The following FGD6 variants were observed in gnomAD, a reference collection of about 807,000 sequenced individuals.
The protein encoded by FGD6 is FYVE, RhoGEF and PH domain-containing protein 6.
Under a neutral mutation model 149.4 loss-of-function variants are expected in FGD6, and 90 were observed. That is an observed-to-expected ratio of 0.60 (90% CI 0.51 to 0.72). The LOEUF is 0.72. Among genes scored for constraint, FGD6 ranks in the 30% least tolerant of loss-of-function variants. FGD6 has a pLI of 0.00. For missense variants in FGD6, 1,437 were observed against 1,684.8 expected, an observed-to-expected ratio of 0.85 and a Z score of 2.57; for synonymous variants, 527 against 584.0, an observed-to-expected ratio of 0.90 and a Z score of 1.41.
At chr12:95,134,628 G>A (rs1228638316) in intron 8 of FGD6, 111 bp downstream of exon 8, 4 of 876,184 alleles carry the variant, frequency 4.6e-6, no homozygotes, top group African/African-American at 1.6e-5. Context: ...ATTAGGCAAC[G>A]TGGTGACGGG....
At chr12:95,160,763 C>T (rs1880615193) in intron 3 of FGD6, among the ~76,000 whole-genome samples, 1 of 152,174 alleles carries the variant, frequency 6.6e-6, no homozygotes. Context: ...GTGTGGGAGG[C>T]TGAGGCAGGA....
At chr12:95,198,817 T>C (rs1206990828) in intron 2 of FGD6, among the ~76,000 whole-genome samples, 1 of 152,214 alleles carries the variant, frequency 6.6e-6, no homozygotes, top group Non-Finnish European at 1.5e-5. Flanking sequence ...TCATAGACTT[T>C]TGGTGAGGTG....
chr12:95,210,752 C>T lies in FGD6; in HGVS notation c.532G>A (p.Val178Ile), dbSNP rs141186779. 2.5e-4 allele frequency: 408 copies of T among 1,614,082 alleles called. 4 individuals are homozygous for T. The highest frequency in any genetic ancestry group is 8.5e-4 in the Admixed American group (51 of 59,994). The change falls in exon 2 of 21, where the codon GTT (valine) becomes ATT (isoleucine). Residue 178 changes from valine to isoleucine, a missense_variant. Physicochemically the swap from Val to Ile is conservative, Grantham distance 29 (BLOSUM62 3). Coordinates refer to ENST00000343958, the MANE Select transcript of FGD6 (RefSeq NM_018351.4). ...NQGGVVLKAS[V>I]LEEELKDALI... ...GCATCTTTGAGCTCCTCTTCTAAAA[C>T]GCTTGCCTTTAAAACAACCCCACCC...
rs1293345773 is a variant in FGD6 at position 95,083,038 on chromosome 12, CAT to C, written c.4256+1458_4256+1459del. ...ATATATATATATATATATACACACA[CAT>C]ACACACACACACACACACACACAGA... On this transcript the variant is annotated intron_variant, in intron 20 of 20. Transcript: ENST00000343958. Among the ~76,000 whole-genome samples, 52 of 62,728 alleles carry C rather than the reference CAT, an allele frequency of 8.3e-4. 3 individuals are homozygous for C. The highest frequency in any genetic ancestry group is 0.01 in the Middle Eastern group (1 of 98). 41.2% of individuals were successfully genotyped at this position (62,728 alleles called of 152,430 possible).
In FGD6 at chr12:95,181,967, G is replaced by C. The variant is rs2136288522; in HGVS notation, c.2442-9223C>G. 2.7e-5 allele frequency among the ~76,000 whole-genome samples: 4 copies of C among 150,466 alleles called. 1 individual carries two copies. In the Middle Eastern group the frequency reaches 0.014, roughly 519 times the overall value. ...AAAAAAAAAAAAAAAACAAAGGCAAGTTCCCAATCCAATTCCATCATTGCA... is the reference window on the plus strand; with the variant it reads ...AAAAAAAAAAAAAAAACAAAGGCAACTTCCCAATCCAATTCCATCATTGCA... On this transcript the variant is annotated intron_variant, in intron 2 of 20. Transcript: ENST00000343958.
chr12:95,180,839 A>C (rs1234204475), intron 2 of FGD6, among the ~76,000 whole-genome samples: 1 of 152,154 alleles, frequency 6.6e-6, no homozygotes, highest in African/African-American at 2.4e-5. Context: ...ATTTATACAT[A>C]TATACACATA....
chr12:95,119,214 A>G (rs751102638), intron 8 of FGD6, among the ~76,000 whole-genome samples: 3 of 152,226 alleles, frequency 2.0e-5, no homozygotes, highest in Non-Finnish European at 2.9e-5. Context: ...TTGTGTGTTA[A>G]TATCCTCATG....
At chr12:95,122,334 T>C (rs563823799) in intron 8 of FGD6, among the ~76,000 whole-genome samples, 63 of 152,050 alleles carry the variant, frequency 4.1e-4, no homozygotes, top group Non-Finnish European at 7.2e-4. Context: ...ATTATTGTTG[T>C]AGCCCCTGCA....
intron 14 of FGD6, among the ~76,000 whole-genome samples, chr12:95,097,407 G>A (rs1451998806): frequency 3.9e-5 from 6 of 152,008 alleles, no homozygotes; most frequent in Non-Finnish European, 8.8e-5. Context: ...AGGCCGAGGA[G>A]GGTGGATCAC....
Position 95,137,550 on chromosome 12 carries a change from C to T in FGD6, c.2966G>A (p.Gly989Asp), listed in dbSNP as rs1312065777. Residue 989 changes from glycine to aspartate, a missense_variant, in exon 7 of 21, where the codon GGT (glycine) becomes GAT (aspartate). Gly to Asp is a moderately conservative substitution (Grantham distance 94). This residue lies in a region of FGD6 where 382 missense variants were observed against 538.7 expected (regional missense o/e 0.71). Coordinates refer to ENST00000343958, the MANE Select transcript of FGD6 (RefSeq NM_018351.4). ...LLDEQCKKNP[G>D]FAAVVREFEM... ...AAATTCTCTAACAACAGCAGCAAAA[C>T]CTGGATTTTTCTTGCACTGTTCATC... 2 of 1,599,218 alleles carry T rather than the reference C, an allele frequency of 1.3e-6. No individual in the cohort carries two copies. The highest frequency in any genetic ancestry group is 1.7e-6 in the Non-Finnish European group (2 of 1,173,656).
At chr12:95,187,303 C>A (rs1349427169) in intron 2 of FGD6, among the ~76,000 whole-genome samples, 3 of 148,426 alleles carry the variant, frequency 2.0e-5, no homozygotes, top group African/African-American at 5.0e-5. Flanking sequence ...TGCACTCCAG[C>A]CTGGGAGACA....
At chr12:95,198,556 C>G (rs958560214) in intron 2 of FGD6, among the ~76,000 whole-genome samples, 1 of 152,156 alleles carries the variant, frequency 6.6e-6, no homozygotes, top group Non-Finnish European at 1.5e-5. Context: ...TCTCCTGCCT[C>G]AGCCTCCCGA....
chr12:95,158,163 CTTTT>C (rs11294901), intron 3 of FGD6, among the ~76,000 whole-genome samples: 25 of 81,446 alleles, frequency 3.1e-4, no homozygotes, highest in African/African-American at 5.2e-4. Context: ...CATTCACTCA[CTTTT>C]TTTTTTTTTT....
intron 5 of FGD6, among the ~76,000 whole-genome samples, chr12:95,144,289 A>G (rs12307286): frequency 0.018 from 2,785 of 152,342 alleles, 83 homozygotes; most frequent in African/African-American, 0.062. Flanking sequence ...TTAAATTAAA[A>G]GCAGTATGTC....
Position 95,215,765 on chromosome 12 carries a change from TGAAATTAC to T in FGD6, c.16+1452_16+1459del, listed in dbSNP as rs1411621313. ...CCTAGAAATTGGGTTTACATAAATG[TGAAATTAC>T]ATGCTTCTGTGCCTGTTCCTTATAA... On this transcript the variant is annotated intron_variant, in intron 1 of 20. Coordinates refer to ENST00000343958, the MANE Select transcript of FGD6 (RefSeq NM_018351.4). Among the ~76,000 whole-genome samples, 4 of 152,358 alleles carry T rather than the reference TGAAATTAC, an allele frequency of 2.6e-5. No homozygotes were observed. In the East Asian group the frequency reaches 7.7e-4, roughly 29 times the overall value.
At chr12:95,101,583 T>C (rs1878433521) in intron 14 of FGD6, among the ~76,000 whole-genome samples, 1 of 152,162 alleles carries the variant, frequency 6.6e-6, no homozygotes, top group Non-Finnish European at 1.5e-5. Flanking sequence ...TAGGCATTTC[T>C]GCCTTGGAAT....
At chr12:95,113,799 T>C in intron 8 of FGD6, 98 bp from the exon 9 acceptor site, 3 of 704,066 alleles carry the variant, frequency 4.3e-6, no homozygotes, top group Non-Finnish European at 7.0e-6. Context: ...TGCTGGTTAA[T>C]ATACATGCTA....
At chr12:95,206,817 T>C (rs943452304) in intron 2 of FGD6, among the ~76,000 whole-genome samples, 1 of 151,922 alleles carries the variant, frequency 6.6e-6, no homozygotes, top group Non-Finnish European at 1.5e-5. Flanking sequence ...TGAGAAAAAT[T>C]AGACAAGGGA....
chr12:95,156,843 A>T (rs1880487524), intron 3 of FGD6, among the ~76,000 whole-genome samples: 1 of 152,164 alleles, frequency 6.6e-6, no homozygotes, highest in African/African-American at 2.4e-5. Context: ...AATGAAAACA[A>T]CCTACGTGAA....
Sources: allele counts gnomAD v4.1 joint callset (sites outside exome capture counted in the v4.1 genomes callset), GRCh38; gene constraint gnomAD v4.1.1; regional missense constraint gnomAD v4.1.1; transcripts MANE v1.5; gene names NCBI Gene and HGNC (gene_info 2026-07-23, HGNC 2026-07-21).